The following ZFHX4 variants were observed in gnomAD, a reference collection of about 807,000 sequenced individuals.
ZFHX4 encodes zinc finger homeobox protein 4.
ZFHX4 carries 56 observed loss-of-function variants against 267.6 expected under a neutral mutation model. That is an observed-to-expected ratio of 0.21 (90% CI 0.17 to 0.26). The LOEUF (loss-of-function observed/expected upper bound fraction) is 0.26. ZFHX4 is among the 10% of genes least tolerant of loss of function. The pLI, the probability that ZFHX4 is intolerant of heterozygous loss-of-function variation, is 1.00. For synonymous variants in ZFHX4, 1,778 were observed against 1,665.6 expected, an observed-to-expected ratio of 1.07 and a Z score of -1.64; for missense variants, 4,332 against 4,420.0, an observed-to-expected ratio of 0.98 and a Z score of 0.56.
chr8:76,809,929 G>A (rs1034501118), intron 4 of ZFHX4, among the ~76,000 whole-genome samples: 15 of 152,102 alleles, frequency 9.9e-5, no homozygotes, highest in Non-Finnish European at 1.8e-4. Context: ...TTTTTATTCC[G>A]AAGACCCAGT....
chr8:76,758,500 G>A (rs1319797735), intron 3 of ZFHX4, among the ~76,000 whole-genome samples: 1 of 151,966 alleles, frequency 6.6e-6, no homozygotes, highest in African/African-American at 2.4e-5. Flanking sequence ...TTGTTTGTTT[G>A]TTTGTTTTTT....
intron 1 of ZFHX4, among the ~76,000 whole-genome samples, chr8:76,697,406 T>G (rs1250732947): frequency 6.6e-6 from 1 of 152,062 alleles, no homozygotes; most frequent in Non-Finnish European, 1.5e-5. Context: ...ATTTTTTAAA[T>G]GTTCTTATGT....
Position 76,704,406 on chromosome 8 carries a change from T to G in ZFHX4, c.318T>G (p.Pro106=), listed in dbSNP as rs1182598401. The G allele has an allele frequency of 3.7e-6, 6 of 1,613,910 alleles. No homozygotes were observed. The Admixed American group carries it at 1.0e-4, about 27-fold the overall frequency. Residue 106 remains proline (P), a synonymous_variant, in exon 2 of 11, where the codon CCT becomes CCG. Coordinates refer to ENST00000651372, the MANE Select transcript of ZFHX4 (RefSeq NM_024721.5). ...ACCACTGCCCTAATGCCCGCCTTCC[T>G]GTCCTGAAGGATGACAACGAGAGCG... is the stretch of plus-strand genomic sequence containing the variant. The part of the protein sequence containing the change: ...MEHHCPNARL[P]VLKDDNESEI...
At position 76,752,487 on chromosome 8, in the gene ZFHX4, C is replaced by CAAAAAAAAAA. The variant is rs144149879; in HGVS notation, c.3094-25708_3094-25699dup. On this transcript the variant is annotated intron_variant, in intron 3 of 10. Transcript: ENST00000651372. Reference sequence around the variant, plus strand: ...TGAAACCCTGTCTCTACCAAAAATCCAAAAAAAAAAAAAAAAAAAAAAGAA... The same window carrying CAAAAAAAAAA: ...TGAAACCCTGTCTCTACCAAAAATCCAAAAAAAAAAAAAAAAAAAAAAAAAAAAAAAAGAA... Among the ~76,000 whole-genome samples, 386 of 70,450 alleles carry CAAAAAAAAAA rather than the reference C, an allele frequency of 5.5e-3. 2 individuals are homozygous for CAAAAAAAAAA. The highest frequency in any genetic ancestry group is 0.01 in the Middle Eastern group (1 of 98). The allele number at this position is 70,450 out of a possible 152,430, so 46.2% of individuals were successfully genotyped here. A position where few individuals can be genotyped will look rare whatever the true frequency, so the allele number is the denominator to read the frequency against.
At chr8:76,799,795 G>A (rs990053180) in intron 4 of ZFHX4, among the ~76,000 whole-genome samples, 4 of 151,914 alleles carry the variant, frequency 2.6e-5, no homozygotes, top group Middle Eastern at 3.2e-3. Flanking sequence ...TCCTCGTCAC[G>A]ATGTGAATCC....
chr8:76,860,908 T>C (rs1478230141), intron 10 of ZFHX4, among the ~76,000 whole-genome samples: 2 of 152,138 alleles, frequency 1.3e-5, no homozygotes, highest in Non-Finnish European at 2.9e-5. Flanking sequence ...GCCAATAAAT[T>C]TTTATAAACA....
In ZFHX4 at chr8:76,851,106, C is replaced by T. The variant is rs1346446762; in HGVS notation, c.4185C>T (p.Tyr1395=). Residue 1395 remains tyrosine, a synonymous_variant, in exon 10 of 11, where the codon TAC becomes TAT. Transcript: ENST00000651372. ...QPLSVSDRHV[Y]KYRCNHCSLA... is the part of the protein sequence containing the mutation. ...TCTCTGTTTCTGACCGTCATGTCTA[C>T]AAGTATCGCTGTAACCATTGTAGCT... 1 of 1,613,874 alleles carries T rather than the reference C, an allele frequency of 6.2e-7. No homozygotes were observed. The highest frequency in any genetic ancestry group is 2.2e-5 in the East Asian group (1 of 44,880).
In ZFHX4 at chr8:76,866,809, G is replaced by GA. The variant is rs5892570; in HGVS notation, c.*2252dup. The stretch of plus-strand genomic sequence containing the variant: ...AGCAGCCAAAAAAAGAAAAAAAAAA[G>GA]AAAAAAAACTTTAACTGGATGGACG... On this transcript the variant is annotated 3_prime_UTR_variant, in exon 11 of 11. Coordinates refer to ENST00000651372, the MANE Select transcript of ZFHX4 (RefSeq NM_024721.5). 0.83 allele frequency: 126,348 copies of GA among 151,706 alleles called. 52,886 individuals carry two copies. The highest frequency in any genetic ancestry group is 0.96 in the East Asian group (4,897 of 5,122). The allele number at this position is 151,706 out of a possible 1,614,324, so 9.4% of individuals were successfully genotyped here. A position where few individuals can be genotyped will look rare whatever the true frequency, so the allele number is the denominator to read the frequency against.
At position 76,837,335 on chromosome 8, in the gene ZFHX4, G is replaced by A. The variant is rs187676486; in HGVS notation, c.3394+3929G>A. Among the ~76,000 whole-genome samples, 7 of 152,102 alleles carry A rather than the reference G, an allele frequency of 4.6e-5. No individual in the cohort carries two copies. In the East Asian group the frequency reaches 1.4e-3, roughly 29 times the overall value. On this transcript the variant is annotated intron_variant, in intron 5 of 10. Coordinates refer to ENST00000651372, the MANE Select transcript of ZFHX4 (RefSeq NM_024721.5). ...TCCAGAAGAAGGGAAGAGTAACATC[G>A]GTCGAGCAAAGGAAGTGAAGTAAGA...
At chr8:76,831,682 A>AC (rs1811936380) in intron 4 of ZFHX4, among the ~76,000 whole-genome samples, 1 of 152,206 alleles carries the variant, frequency 6.6e-6, no homozygotes, top group Admixed American at 6.5e-5. Context: ...AAAAATTAAC[A>AC]CATCATGATA....
chr8:76,802,584 C>T (rs879913600), intron 4 of ZFHX4, among the ~76,000 whole-genome samples: 13 of 152,132 alleles, frequency 8.5e-5, no homozygotes, highest in Admixed American at 3.3e-4. Context: ...TGAAGTTCTG[C>T]CATTAAAGGA....
intron 6 of ZFHX4, among the ~76,000 whole-genome samples, chr8:76,844,378 T>C (rs890416976): frequency 6.6e-6 from 1 of 152,156 alleles, no homozygotes; most frequent in Non-Finnish European, 1.5e-5. Flanking sequence ...TCAATGCCCA[T>C]GTAATCCCGA....
intron 3 of ZFHX4, among the ~76,000 whole-genome samples, chr8:76,741,156 A>G (rs1375433879): frequency 1.3e-5 from 2 of 152,182 alleles, no homozygotes; most frequent in African/African-American, 4.8e-5. Flanking sequence ...AAGATGATGA[A>G]GTGCAGCAAA....
At chr8:76,759,471 A>G (rs1277747141) in intron 3 of ZFHX4, among the ~76,000 whole-genome samples, 4 of 152,188 alleles carry the variant, frequency 2.6e-5, no homozygotes, top group African/African-American at 9.7e-5. Flanking sequence ...GGTCTTGGTG[A>G]TGAACCATTA....
chr8:76,798,796 C>T (rs1454173667), intron 4 of ZFHX4, among the ~76,000 whole-genome samples: 1 of 152,140 alleles, frequency 6.6e-6, no homozygotes, highest in African/African-American at 2.4e-5. Context: ...ATTTTGACCA[C>T]ATTTGATTTG....
At chr8:76,818,761 A>G (rs1445384958) in intron 4 of ZFHX4, among the ~76,000 whole-genome samples, 2 of 152,106 alleles carry the variant, frequency 1.3e-5, no homozygotes, top group African/African-American at 4.8e-5. Context: ...TACTAAAAAT[A>G]AAAATTAAAA....
At chr8:76,731,856 C>CATTATTATTATTATTATTATT (rs76950838) in intron 3 of ZFHX4, among the ~76,000 whole-genome samples, 15 of 143,826 alleles carry the variant, frequency 1.0e-4, no homozygotes, top group Admixed American at 5.7e-4. Flanking sequence ...TGGTGCCACA[C>CATTATTATTATTATTATTATT]ATTATTATTA....
chr8:76,804,243 G>C (rs1054977468), intron 4 of ZFHX4, among the ~76,000 whole-genome samples: 1 of 152,054 alleles, frequency 6.6e-6, no homozygotes, highest in African/African-American at 2.4e-5. Context: ...CTTTTCCACC[G>C]TAGAGTTGAG....
At chr8:76,842,431 A>G (rs68056230) in intron 5 of ZFHX4, among the ~76,000 whole-genome samples, 3,514 of 152,292 alleles carry the variant, frequency 0.023, 61 homozygotes, top group Middle Eastern at 0.11. Flanking sequence ...GTATAGACCC[A>G]TCCTCTCAAT....
Sources: gnomAD v4.1 joint callset for allele counts (sites outside exome capture counted in the v4.1 genomes callset) on GRCh38, gnomAD v4.1.1 for gene constraint, MANE v1.5 for transcripts, NCBI Gene and HGNC (gene_info 2026-07-23, HGNC 2026-07-21) for gene names.